BIN1: variants seen among roughly 807,000 people sequenced by gnomAD.
BIN1 encodes bridging integrator 1, also known as myc box-dependent-interacting protein 1.
BIN1 carries 53 observed loss-of-function variants against 82.0 expected under a neutral mutation model. The observed-to-expected ratio is 0.65, with a 90% CI of 0.52 to 0.81. The LOEUF (loss-of-function observed/expected upper bound fraction) is 0.81, where lower values mean the gene tolerates loss of function less well. BIN1 is among the 40% of genes least tolerant of loss of function. The probability of loss-of-function intolerance (pLI) is 0.00; values close to 1 mark genes in which losing one functional copy is unlikely to be tolerated. For synonymous variants in BIN1, 302 were observed against 328.0 expected, an observed-to-expected ratio of 0.92 and a Z score of 0.86; for missense variants, 642 against 784.4, an observed-to-expected ratio of 0.82 and a Z score of 2.17.
rs34767629 is a variant in BIN1 at position 127,088,740 on chromosome 2, T to TAA, written c.85-12036_85-12035dup. On this transcript the variant is annotated intron_variant, in intron 1 of 18. Transcript: ENST00000316724. ...GGCGACAGAGCAAGACCGTATCTCT[T>TAA]AAAAAAAAAAAAAAAGAGAGACACT... 1.7e-3 allele frequency among the ~76,000 whole-genome samples: 230 copies of TAA among 138,520 alleles called. 1 individual carries two copies. The highest frequency in any genetic ancestry group is 4.1e-3 in the Admixed American group (57 of 13,876). The allele number at this position is 138,520 out of a possible 152,430, so 90.9% of individuals were successfully genotyped here. A position where few individuals can be genotyped will look rare whatever the true frequency, so the allele number is the denominator to read the frequency against.
At position 127,105,800 on chromosome 2, in the gene BIN1, G is replaced by A. The variant is rs1681037207; in HGVS notation, c.84+1060C>T. ...GTCCCTGCGCCTCCACCCGGCGGCC[G>A]CGCAGCGGGTGGGAGAGGGGGCAGG... is the stretch of plus-strand genomic sequence containing the variant. On this transcript the variant is annotated intron_variant, in intron 1 of 18. Coordinates refer to ENST00000316724, the MANE Select transcript of BIN1 (RefSeq NM_139343.3). Among the ~76,000 whole-genome samples the A allele has an allele frequency of 2.6e-5, 4 of 152,232 alleles. No individual in the cohort carries two copies. In the South Asian group the frequency reaches 8.3e-4, roughly 31 times the overall value.
At position 127,068,465 on chromosome 2, in the gene BIN1, C is replaced by G. The variant is rs1685441049; in HGVS notation, c.520-210G>C. Among the ~76,000 whole-genome samples the G allele has an allele frequency of 6.6e-6, 1 of 152,090 alleles. No individual in the cohort carries two copies. Among genetic ancestry groups the G allele is most frequent in the African/African-American group, 2.4e-5 (1 of 41,408 alleles). ...TCCAACTGCAGAGGCAAAAGGTGAG[C>G]GTGGTTAGCAGCACAGGGGGCCCAG... On this transcript the variant is annotated intron_variant, in intron 6 of 18. Transcript: ENST00000316724. The surrounding 1 kb of genome is among the most constrained non-coding windows in gnomAD (Gnocchi z 4.9).
chr2:127,079,698 C>T lies in BIN1; in HGVS notation c.85-2992G>A, dbSNP rs568579572. Among the ~76,000 whole-genome samples the T allele has an allele frequency of 6.9e-4, 105 of 152,354 alleles. No individual in the cohort carries two copies. In the South Asian group the frequency reaches 0.014, roughly 21 times the overall value. On this transcript the variant is annotated intron_variant, in intron 1 of 18. Transcript: ENST00000316724. Reference sequence around the variant, plus strand: ...TCACCCTGAAGGAACAGCTTGAGGTCAGGGACACTGTTCCAGTCATCTCTG... The same window carrying T: ...TCACCCTGAAGGAACAGCTTGAGGTTAGGGACACTGTTCCAGTCATCTCTG...
chr2:127,053,607 C>A, intron 13 of BIN1, 162 bp from the exon 14 acceptor site: 1 of 951,724 alleles, frequency 1.1e-6, no homozygotes, highest in Non-Finnish European at 1.7e-6. Flanking sequence ...TGCAGGTGGC[C>A]GAGCTCCCGA....
rs569004850 is a variant in BIN1 at position 127,094,612 on chromosome 2, G to A, written c.84+12248C>T. Among the ~76,000 whole-genome samples the A allele has an allele frequency of 5.4e-4, 83 of 152,330 alleles. 2 individuals are homozygous for A. In the South Asian group the frequency reaches 0.013, roughly 25 times the overall value. ...CTAAGCACTGGAGTGGCGCGGAGCC[G>A]ACTGCAGACTATGGGGAAGGCCTCC... On this transcript the variant is annotated intron_variant, in intron 1 of 18. Coordinates refer to ENST00000316724, the MANE Select transcript of BIN1 (RefSeq NM_139343.3).
chr2:127,091,580 T>C (rs1678932052), intron 1 of BIN1, among the ~76,000 whole-genome samples: 1 of 152,118 alleles, frequency 6.6e-6, no homozygotes, highest in African/African-American at 2.4e-5. Flanking sequence ...GATCAACAGG[T>C]ATTCAGATCA....
intron 1 of BIN1, among the ~76,000 whole-genome samples, chr2:127,083,367 C>T (rs901482507): frequency 2.0e-5 from 3 of 152,134 alleles, no homozygotes; most frequent in Non-Finnish European, 4.4e-5. Context: ...AGGTACAAGC[C>T]ACCGTGCCCA....
At chr2:127,051,722 G>A (rs961809516) in intron 15 of BIN1, among the ~76,000 whole-genome samples, 3 of 152,208 alleles carry the variant, frequency 2.0e-5, no homozygotes, top group Admixed American at 6.5e-5. Flanking sequence ...CAGCCTGTGC[G>A]CAGCCCAAAT....
chr2:127,058,479 C>T (rs1222361439), intron 11 of BIN1, among the ~76,000 whole-genome samples: 1 of 152,250 alleles, frequency 6.6e-6, no homozygotes, highest in Non-Finnish European at 1.5e-5. Context: ...TGGGGGCAGG[C>T]GGGGTGGAGA....
At chr2:127,096,849 G>A (rs1393117143) in intron 1 of BIN1, among the ~76,000 whole-genome samples, 1 of 152,212 alleles carries the variant, frequency 6.6e-6, no homozygotes, top group Non-Finnish European at 1.5e-5. Context: ...CCAGAGAGAT[G>A]GTGAGCTGAG....
chr2:127,096,390 C>A (rs547043148), intron 1 of BIN1, among the ~76,000 whole-genome samples: 2 of 152,310 alleles, frequency 1.3e-5, no homozygotes, highest in South Asian at 4.1e-4. Flanking sequence ...TCATGAGATG[C>A]TCCCTGGGAA....
intron 9 of BIN1, 142 bp downstream of exon 9, chr2:127,063,429 G>T: frequency 2.2e-6 from 2 of 912,520 alleles, no homozygotes; most frequent in Non-Finnish European, 1.7e-6. Flanking sequence ...CTGTTCCACA[G>T]GGCCGGGAGG....
chr2:127,102,750 G>T (rs1680521775), intron 1 of BIN1, among the ~76,000 whole-genome samples: 1 of 152,176 alleles, frequency 6.6e-6, no homozygotes, highest in Non-Finnish European at 1.5e-5. Context: ...CACACACCTG[G>T]GCCCACCCAC....
At chr2:127,071,898 G>A (rs961237151) in intron 2 of BIN1, among the ~76,000 whole-genome samples, 1 of 152,248 alleles carries the variant, frequency 6.6e-6, no homozygotes, top group East Asian at 1.9e-4. Context: ...GGAGCTTGAA[G>A]GCAGGCCTCA....
At chr2:127,069,731 AACACACACACACAC>A (rs3832046) in intron 5 of BIN1, among the ~76,000 whole-genome samples, 71 of 147,694 alleles carry the variant, frequency 4.8e-4, no homozygotes, top group South Asian at 4.4e-4. Flanking sequence ...ACTCCGCAGC[AACACACACACACAC>A]ACACACACAC....
chr2:127,048,407 C>A lies in BIN1; in HGVS notation c.*119G>T. 1 of 995,106 alleles carries A rather than the reference C, an allele frequency of 1.0e-6. No individual in the cohort carries two copies. Among genetic ancestry groups the A allele is most frequent in the Non-Finnish European group, 1.5e-6 (1 of 647,246 alleles). The allele number at this position is 995,106 out of a possible 1,614,324, so 61.6% of individuals were successfully genotyped here. ...GAACGCCCCTCTGCCTGGGGGTCTC[C>A]TCTTGATTTCCCTTTGCTCTTCAAA... On this transcript the variant is annotated 3_prime_UTR_variant, in exon 19 of 19. Transcript: ENST00000316724.
intron 1 of BIN1, among the ~76,000 whole-genome samples, chr2:127,084,047 A>C (rs1182109629): frequency 6.6e-6 from 1 of 152,192 alleles, no homozygotes; most frequent in African/African-American, 2.4e-5. Flanking sequence ...AAAGTTGTTG[A>C]AATTTTTGCA....
chr2:127,074,330 T>C (rs1487019592), intron 2 of BIN1, among the ~76,000 whole-genome samples: 1 of 152,082 alleles, frequency 6.6e-6, no homozygotes, highest in African/African-American at 2.4e-5. Flanking sequence ...CTGGCTGCCT[T>C]AGCCCCAGCC....
At chr2:127,072,799 G>A (rs1002970192) in intron 2 of BIN1, among the ~76,000 whole-genome samples, 4 of 152,144 alleles carry the variant, frequency 2.6e-5, no homozygotes, top group South Asian at 4.1e-4. Flanking sequence ...TCAGGGGGTC[G>A]GATGGAGACC....
Sources: gnomAD v4.1 joint callset for allele counts (sites outside exome capture counted in the v4.1 genomes callset) on GRCh38, gnomAD v4.1.1 for gene constraint, Gnocchi (gnomAD v3.1) non-coding constraint, MANE v1.5 for transcripts, NCBI Gene and HGNC (gene_info 2026-07-23, HGNC 2026-07-21) for gene names.